CYP4Z1: variants seen among roughly 807,000 people sequenced by gnomAD.
The protein encoded by CYP4Z1 is cytochrome P450 family 4 subfamily Z member 1.
CYP4Z1 carries 41 observed loss-of-function variants against 54.2 expected under a neutral mutation model. That is an observed-to-expected ratio of 0.76 (90% confidence interval 0.59 to 0.98). The LOEUF is 0.98. Ranked by LOEUF, CYP4Z1 falls within the 50% of genes least tolerant of loss-of-function variation. The pLI is 0.00. For missense variants in CYP4Z1, 513 were observed against 599.0 expected (o/e 0.86, Z 1.50); for synonymous variants, 163 against 206.2 (o/e 0.79, Z 1.79).
chr1:47,111,861 A>T (rs397839731), intron 9 of CYP4Z1, among the ~76,000 whole-genome samples: 1 of 152,232 alleles, frequency 6.6e-6, no homozygotes, highest in African/African-American at 2.4e-5. Flanking sequence ...TTTTTTGTTT[A>T]ATCCATTAAA....
rs1359665448 is a variant in CYP4Z1 at position 47,084,822 on chromosome 1, A to G, written c.618-2A>G. 1 of 1,538,420 alleles carries G rather than the reference A, an allele frequency of 6.5e-7. No individual in the cohort carries two copies. Among genetic ancestry groups the G allele is most frequent in the Non-Finnish European group, 8.7e-7 (1 of 1,151,908 alleles). On this transcript the variant is annotated splice_acceptor_variant, in intron 5 of 11. Transcript: ENST00000334194. LOFTEE classifies it high-confidence loss of function. ...CATGTTGTTCCATCTTCCCTATTCC[A>G]GTACCCTGGACTCATACCTGAAAGC... is the stretch of plus-strand genomic sequence containing the variant.
At chr1:47,062,452 C>G (rs1644429173), upstream of CYP4Z1, among the ~76,000 whole-genome samples, 5 of 152,248 alleles carry the variant, frequency 3.3e-5, no homozygotes, top group South Asian at 1.0e-3. Flanking sequence ...AGTTCTCAGC[C>G]CTGGTCACTG....
chr1:47,076,954 T>C (rs1018772105), intron 2 of CYP4Z1, among the ~76,000 whole-genome samples: 15 of 151,844 alleles, frequency 9.9e-5, no homozygotes, highest in African/African-American at 2.9e-4. Flanking sequence ...GGTATTTTTG[T>C]ATGATTTCAA....
chr1:47,098,698 C>T (rs1271149307), intron 7 of CYP4Z1, among the ~76,000 whole-genome samples: 1 of 152,064 alleles, frequency 6.6e-6, no homozygotes, highest in Non-Finnish European at 1.5e-5. Context: ...ACATAGTGTC[C>T]CATTTTATGG....
rs560023247 is a variant in CYP4Z1 at position 47,086,586 on chromosome 1, G to C, written c.772+1608G>C. Among the ~76,000 whole-genome samples the C allele has an allele frequency of 2.6e-5, 4 of 152,270 alleles. No individual in the cohort carries two copies. The East Asian group carries it at 7.7e-4, about 29-fold the overall frequency. On this transcript the variant is annotated intron_variant, in intron 6 of 11. Transcript: ENST00000334194. Reference sequence around the variant, plus strand: ...TTTGTTTGAGTTCTTTGTAGATTCTGGATATTAGCCCTTTGTCAGATGAGG... The same window carrying C: ...TTTGTTTGAGTTCTTTGTAGATTCTCGATATTAGCCCTTTGTCAGATGAGG...
At chr1:47,112,147 C>T (rs974641407) in intron 9 of CYP4Z1, among the ~76,000 whole-genome samples, 6 of 151,916 alleles carry the variant, frequency 3.9e-5, no homozygotes, top group African/African-American at 1.5e-4. Context: ...GAAAGCAGAA[C>T]GGTTGCAAAA....
intron 6 of CYP4Z1, among the ~76,000 whole-genome samples, chr1:47,091,346 C>G (rs1644636904): frequency 1.4e-5 from 2 of 143,040 alleles, no homozygotes; most frequent in Non-Finnish European, 3.0e-5. Context: ...CTTATTTGTT[C>G]CCTTTTGATG....
At chr1:47,109,678 G>C (rs1034729012) in intron 9 of CYP4Z1, among the ~76,000 whole-genome samples, 10 of 152,100 alleles carry the variant, frequency 6.6e-5, no homozygotes, top group African/African-American at 2.4e-4. Context: ...GAGATATTTT[G>C]AGCCTTGCTC....
At position 47,082,353 on chromosome 1, in the gene CYP4Z1, G is replaced by C; in HGVS notation, c.384G>C (p.Leu128=). 1 of 1,610,012 alleles carries C rather than the reference G, an allele frequency of 6.2e-7. No homozygotes were observed. Among genetic ancestry groups the C allele is most frequent in the Non-Finnish European group, 8.5e-7 (1 of 1,178,414 alleles). ...ESWVGRGLVT[L]DGSKWKKHRQ... Reference sequence around the variant, plus strand: ...CATAAGGTCGAGGACTTGTGACCCTGGATGGTTCTAAATGGAAAAAGCACC... The same window carrying C: ...CATAAGGTCGAGGACTTGTGACCCTCGATGGTTCTAAATGGAAAAAGCACC... The change falls in exon 4 of 12, where the codon CTG becomes CTC. Residue 128 remains leucine (L), a synonymous_variant. Transcript: ENST00000334194.
At chr1:47,104,956 G>A (rs7540264) in intron 8 of CYP4Z1, among the ~76,000 whole-genome samples, 65,165 of 151,670 alleles carry the variant, frequency 0.43, 15,357 homozygotes, top group East Asian at 0.96. Context: ...TGTTGCCCAG[G>A]CTGGAGTGCA....
At chr1:47,092,945 CCT>C (rs1463148678) in intron 6 of CYP4Z1, among the ~76,000 whole-genome samples, 1 of 139,388 alleles carries the variant, frequency 7.2e-6, no homozygotes. Flanking sequence ...TAAGGGGAAT[CCT>C]CAGATGGTTT....
intron 2 of CYP4Z1, among the ~76,000 whole-genome samples, chr1:47,079,323 C>T (rs866662087): frequency 2.6e-5 from 4 of 152,046 alleles, no homozygotes; most frequent in Admixed American, 6.6e-5. Context: ...TAAGTGTGCA[C>T]CTGGTTGCTG....
chr1:47,083,348 A>G (rs1031283990), intron 4 of CYP4Z1, among the ~76,000 whole-genome samples: 1 of 152,234 alleles, frequency 6.6e-6, no homozygotes, highest in Non-Finnish European at 1.5e-5. Flanking sequence ...AAAGCAAAAC[A>G]TATAAATATA....
At chr1:47,094,143 G>C (rs182853740) in intron 6 of CYP4Z1, among the ~76,000 whole-genome samples, 1 of 152,234 alleles carries the variant, frequency 6.6e-6, no homozygotes, top group Non-Finnish European at 1.5e-5. Context: ...TTGAGCACCA[G>C]TCTCTACCAT....
chr1:47,068,512 G>A, intron 1 of CYP4Z1, 110 bp from the exon 2 acceptor site: 1 of 1,377,342 alleles, frequency 7.3e-7, no homozygotes, highest in Non-Finnish European at 1.0e-6. Context: ...GAACCTGTCT[G>A]ATGGGGTGGT....
intron 9 of CYP4Z1, among the ~76,000 whole-genome samples, chr1:47,115,281 C>T (rs1372305591): frequency 6.6e-6 from 1 of 152,032 alleles, no homozygotes; most frequent in Non-Finnish European, 1.5e-5. Context: ...GAACATCACA[C>T]ACCAGAGCCT....
chr1:47,101,749 G>T (rs1644723191), intron 8 of CYP4Z1, among the ~76,000 whole-genome samples: 1 of 152,070 alleles, frequency 6.6e-6, no homozygotes, highest in African/African-American at 2.4e-5. Flanking sequence ...TTCTGTAAAT[G>T]TCTGGGAGGT....
intron 8 of CYP4Z1, among the ~76,000 whole-genome samples, chr1:47,104,673 G>A (rs1250444992): frequency 2.0e-5 from 3 of 152,152 alleles, no homozygotes; most frequent in African/African-American, 7.2e-5. Flanking sequence ...CCCAGGAGAA[G>A]TGCTCAGGTG....
At chr1:47,094,469 G>A (rs1644661999) in intron 6 of CYP4Z1, 97 bp from the exon 7 acceptor site, 1 of 815,026 alleles carries the variant, frequency 1.2e-6, no homozygotes, top group Non-Finnish European at 1.9e-6. Context: ...GCAGCCAGGG[G>A]CTACCGATAA....
Sources: gnomAD v4.1 joint callset for allele counts (sites outside exome capture counted in the v4.1 genomes callset) on GRCh38, gnomAD v4.1.1 for gene constraint, MANE v1.5 for transcripts, NCBI Gene and HGNC (gene_info 2026-07-23, HGNC 2026-07-21) for gene names.